The following C2orf80 variants were observed in gnomAD, a reference collection of about 807,000 sequenced individuals.
C2orf80 encodes the protein uncharacterized protein C2orf80.
Under a neutral mutation model 30.2 loss-of-function variants are expected in C2orf80, and 28 were observed. The observed-to-expected ratio is 0.93, with a 90% CI of 0.69 to 1.27. The LOEUF is 1.27. Among genes scored for constraint, C2orf80 ranks in the 50% most tolerant of loss-of-function variants. The pLI is 0.00. For missense variants in C2orf80, 220 were observed against 231.0 expected, an observed-to-expected ratio of 0.95 and a Z score of 0.31; for synonymous variants, 80 against 76.4, an observed-to-expected ratio of 1.05 and a Z score of -0.24.
Position 208,180,894 on chromosome 2 carries a change from C to T in C2orf80, c.295-78G>A. ...TTATTATAAAACAAAGCTAATATAG[C>T]TCCAGTATGTCTAAAACTGTGCTTG... is the stretch of plus-strand genomic sequence containing the variant. On this transcript the variant is annotated intron_variant, in intron 5 of 8. Coordinates refer to ENST00000341287, the MANE Select transcript of C2orf80 (RefSeq NM_001099334.3). 7 of 1,221,902 alleles carry T rather than the reference C, an allele frequency of 5.7e-6. No homozygotes were observed. The South Asian group carries it at 7.9e-5, about 14-fold the overall frequency. The allele number at this position is 1,221,902 out of a possible 1,614,324, so 75.7% of individuals were successfully genotyped here. A position where few individuals can be genotyped will look rare whatever the true frequency, so the allele number is the denominator to read the frequency against.
intron 6 of C2orf80, among the ~76,000 whole-genome samples, chr2:208,177,125 A>ATATATACATACATATATAT: frequency 7.0e-6 from 1 of 143,700 alleles, no homozygotes; most frequent in Admixed American, 7.1e-5. Context: ...GCTCGATTTT[A>ATATATACATACATATATAT]TATATATACA....
At chr2:208,182,663 A>G (rs1433397729) in intron 4 of C2orf80, among the ~76,000 whole-genome samples, 1 of 152,226 alleles carries the variant, frequency 6.6e-6, no homozygotes, top group Non-Finnish European at 1.5e-5. Flanking sequence ...AGCCTCCCAG[A>G]GTGCTGGGAT....
intron 6 of C2orf80, among the ~76,000 whole-genome samples, chr2:208,173,516 T>C (rs537167793): frequency 2.6e-5 from 4 of 152,100 alleles, no homozygotes; most frequent in African/African-American, 9.6e-5. Context: ...TACCAGCTAC[T>C]TGGGAGGCTG....
At chr2:208,170,800 G>A in intron 8 of C2orf80, 145 bp downstream of exon 8, 1 of 680,528 alleles carries the variant, frequency 1.5e-6, no homozygotes, top group Non-Finnish European at 2.6e-6. Flanking sequence ...TATCTTGCCT[G>A]ATGTCCCATA....
chr2:208,179,413 A>G (rs1306531314), intron 6 of C2orf80, among the ~76,000 whole-genome samples: 1 of 152,226 alleles, frequency 6.6e-6, no homozygotes, highest in Non-Finnish European at 1.5e-5. Flanking sequence ...CTGTGGCCAC[A>G]GCCTTGCCCC....
intron 6 of C2orf80, among the ~76,000 whole-genome samples, chr2:208,176,997 A>T (rs1002158339): frequency 5.7e-5 from 2 of 35,110 alleles, no homozygotes; most frequent in Admixed American, 4.5e-4. Context: ...ATATGTATAC[A>T]TATATACATA....
chr2:208,176,903 AT>A (rs1559340142), intron 6 of C2orf80, among the ~76,000 whole-genome samples: 8 of 92,834 alleles, frequency 8.6e-5, no homozygotes, highest in Admixed American at 2.1e-4. Flanking sequence ...ATATATACAT[AT>A]CTGTGTATAC....
intron 4 of C2orf80, among the ~76,000 whole-genome samples, chr2:208,182,470 A>G (rs1696589114): frequency 6.6e-6 from 1 of 152,128 alleles, no homozygotes; most frequent in Non-Finnish European, 1.5e-5. Context: ...AAGTGGCACA[A>G]TCTTGGCTCA....
chr2:208,185,485 A>T (rs1696691164), intron 2 of C2orf80, among the ~76,000 whole-genome samples: 1 of 152,228 alleles, frequency 6.6e-6, no homozygotes, highest in African/African-American at 2.4e-5. Context: ...TAGAATGCAA[A>T]TACCCTTAGG....
intron 6 of C2orf80, among the ~76,000 whole-genome samples, chr2:208,176,334 C>T (rs573666827): frequency 1.3e-3 from 196 of 152,296 alleles, no homozygotes; most frequent in Non-Finnish European, 2.1e-3. Context: ...CACCACCACA[C>T]CCGGCTAATT....
rs149015567 is a variant in C2orf80, at chr2:208,182,697, G to A, written c.206+268C>T. Among the ~76,000 whole-genome samples, 29 of 152,298 alleles carry A rather than the reference G, an allele frequency of 1.9e-4. No individual in the cohort carries two copies. In the East Asian group the frequency reaches 4.4e-3, roughly 23 times the overall value. On this transcript the variant is annotated intron_variant, in intron 4 of 8. Coordinates refer to ENST00000341287, the MANE Select transcript of C2orf80 (RefSeq NM_001099334.3). ...ATTACAGGCCTGAGCCACCGCGCCC[G>A]GCCCCTTAAGACACAACATTCTGTG...
intron 4 of C2orf80, among the ~76,000 whole-genome samples, chr2:208,182,529 G>C (rs1175323758): frequency 6.6e-6 from 1 of 152,106 alleles, no homozygotes; most frequent in Non-Finnish European, 1.5e-5. Flanking sequence ...TCCTGCCTCA[G>C]CCTCCTGAGT....
In C2orf80 at chr2:208,184,958, T is replaced by C. The variant is rs374451563; in HGVS notation, c.116A>G (p.Asp39Gly). 20 of 1,613,236 alleles carry C rather than the reference T, an allele frequency of 1.2e-5. No individual in the cohort carries two copies. The highest frequency in any genetic ancestry group is 1.5e-5 in the Non-Finnish European group (18 of 1,179,526). The change falls in exon 3 of 9, where the codon GAT becomes GGT. Residue 39 changes from aspartate (D) to glycine (G), a missense_variant. Transcript: ENST00000341287. Reference sequence around the variant, plus strand: ...CAGCGTGCCTTTCTTTACCATATCATCTAGAAAGGTGAGTTGCCGTCTTCC... The same window carrying C: ...CAGCGTGCCTTTCTTTACCATATCACCTAGAAAGGTGAGTTGCCGTCTTCC... ...PKGRRQLTFL[D>G]DMAHYDLAIS...
At chr2:208,184,891 T>C in intron 3 of C2orf80, 60 bp downstream of exon 3, 2 of 1,367,642 alleles carry the variant, frequency 1.5e-6, no homozygotes, top group Non-Finnish European at 2.1e-6. Context: ...AGATCCTTTT[T>C]CTGTCTCTTT....
rs1353781903 is a variant in C2orf80 at position 208,165,814 on chromosome 2, A to C, written c.575T>G (p.Val192Gly). 6.2e-7 allele frequency: 1 copy of C among 1,609,144 alleles called. No homozygotes were observed. The highest frequency in any genetic ancestry group is 8.5e-7 in the Non-Finnish European group (1 of 1,177,466). The change falls in exon 9 of 9, where the codon GTC becomes GGC. Residue 192 changes from valine to glycine, a missense_variant and splice_region_variant. Transcript: ENST00000341287. ...TGGTACAATTCCAATTTTCTAAGTG[A>C]CCTGCAGAATAAAAGATGATTTTGG... is the stretch of plus-strand genomic sequence containing the variant. ...RFSDTQPKHK[V>G]T
At chr2:208,166,402 C>CT (rs1189489483) in intron 8 of C2orf80, among the ~76,000 whole-genome samples, 7 of 152,146 alleles carry the variant, frequency 4.6e-5, no homozygotes, top group African/African-American at 1.7e-4. Flanking sequence ...CAAATTTTCT[C>CT]TAAGTTTGAA....
chr2:208,173,468 C>CA (rs927218713), intron 6 of C2orf80, among the ~76,000 whole-genome samples: 16 of 151,804 alleles, frequency 1.1e-4, no homozygotes, highest in Admixed American at 2.6e-4. Context: ...ACTAAAAATA[C>CA]AAAAAAATTA....
intron 6 of C2orf80, among the ~76,000 whole-genome samples, chr2:208,176,967 A>ATACATATCTG (rs1696355865): frequency 1.3e-5 from 1 of 78,316 alleles, no homozygotes; most frequent in African/African-American, 4.1e-5. Context: ...ATACATATGT[A>ATACATATCTG]TACATATATA....
chr2:208,165,410 G>T lies in C2orf80; in HGVS notation c.*397C>A. On this transcript the variant is annotated 3_prime_UTR_variant, in exon 9 of 9. Transcript: ENST00000341287. Reference sequence around the variant, plus strand: ...TCTTTTCATATGAGAACACAGTAAAGGCAATCAATGACAGATTAATTTTAT... The same window carrying T: ...TCTTTTCATATGAGAACACAGTAAATGCAATCAATGACAGATTAATTTTAT... 1 of 169,342 alleles carries T rather than the reference G, an allele frequency of 5.9e-6. No individual in the cohort carries two copies. The highest frequency in any genetic ancestry group is 1.3e-5 in the Non-Finnish European group (1 of 78,560). 10.5% of individuals were successfully genotyped at this position (169,342 alleles called of 1,614,324 possible).
Sources: gnomAD v4.1 joint callset for allele counts (sites outside exome capture counted in the v4.1 genomes callset) on GRCh38, gnomAD v4.1.1 for gene constraint, MANE v1.5 for transcripts, NCBI Gene and HGNC (gene_info 2026-07-23, HGNC 2026-07-21) for gene names.